ME1: variants seen among roughly 807,000 people sequenced by gnomAD.
ME1 encodes the protein NADP-dependent malic enzyme.
A neutral mutation model predicts 66.4 loss-of-function variants in ME1; 74 were observed. The ratio of observed to expected loss-of-function variants is 1.11; its 90% CI spans 0.92 to 1.35. The LOEUF is 1.35. ME1 is among the 40% of genes most tolerant of loss of function. ME1 has a pLI of 0.00. For missense variants in ME1, 750 were observed against 694.1 expected (o/e 1.08, Z -0.90); for synonymous variants, 251 against 235.6 (o/e 1.07, Z -0.60).
chr6:83,365,746 G>A (rs1320190723), intron 3 of ME1, among the ~76,000 whole-genome samples: 1 of 151,978 alleles, frequency 6.6e-6, no homozygotes, highest in Admixed American at 6.6e-5. Flanking sequence ...CAATAGATTA[G>A]TACACTTTCA....
chr6:83,417,161 T>G (rs960530818), intron 1 of ME1, among the ~76,000 whole-genome samples: 1 of 152,114 alleles, frequency 6.6e-6, no homozygotes, highest in African/African-American at 2.4e-5. Flanking sequence ...GCAATCCTCT[T>G]GCCTTAGCTT....
intron 6 of ME1, among the ~76,000 whole-genome samples, chr6:83,282,653 T>G (rs1217426408): frequency 6.6e-6 from 1 of 152,176 alleles, no homozygotes; most frequent in Non-Finnish European, 1.5e-5. Context: ...CACTTTATAC[T>G]GCTGGTGGGA....
intron 1 of ME1, among the ~76,000 whole-genome samples, chr6:83,417,380 T>C (rs1770182818): frequency 6.6e-6 from 1 of 151,090 alleles, no homozygotes; most frequent in Non-Finnish European, 1.5e-5. Flanking sequence ...TTTGTTGTTG[T>C]TGTTGTTGTT....
chr6:83,410,451 C>T (rs2128552353), intron 1 of ME1, among the ~76,000 whole-genome samples: 1 of 152,206 alleles, frequency 6.6e-6, no homozygotes, highest in African/African-American at 2.4e-5. Context: ...AGACAAACTT[C>T]ACTTGTTGAA....
intron 1 of ME1, among the ~76,000 whole-genome samples, chr6:83,430,155 T>C (rs942633128): frequency 1.3e-5 from 2 of 151,958 alleles, no homozygotes; most frequent in Non-Finnish European, 2.9e-5. Flanking sequence ...AAACAAAATT[T>C]TTTTTTAACT....
At chr6:83,299,055 T>C (rs974818878) in intron 6 of ME1, among the ~76,000 whole-genome samples, 5 of 151,158 alleles carry the variant, frequency 3.3e-5, no homozygotes, top group Non-Finnish European at 7.4e-5. Flanking sequence ...TTGTTCTTTT[T>C]GCTTAGTATT....
chr6:83,396,510 T>C (rs1027784517), intron 3 of ME1, among the ~76,000 whole-genome samples: 24 of 152,154 alleles, frequency 1.6e-4, no homozygotes, highest in African/African-American at 5.8e-4. Context: ...ATTTCATGGA[T>C]TGGAAGAATT....
At chr6:83,429,681 T>C (rs1770444157) in intron 1 of ME1, among the ~76,000 whole-genome samples, 1 of 149,410 alleles carries the variant, frequency 6.7e-6, no homozygotes, top group Admixed American at 7.0e-5. Context: ...TTGTAAAAGG[T>C]GCCTGTCACC....
chr6:83,267,956 T>C (rs1767016375), intron 6 of ME1, among the ~76,000 whole-genome samples: 2 of 152,206 alleles, frequency 1.3e-5, no homozygotes, highest in South Asian at 4.1e-4. Context: ...AATTCAAGTG[T>C]CACATTCTTC....
At chr6:83,239,951 G>A (rs1254563284) in intron 7 of ME1, among the ~76,000 whole-genome samples, 1 of 152,080 alleles carries the variant, frequency 6.6e-6, no homozygotes, top group East Asian at 1.9e-4. Context: ...CTGACTAGCT[G>A]AAAGAATTTA....
At chr6:83,283,340 A>AT (rs1348798593) in intron 6 of ME1, among the ~76,000 whole-genome samples, 1 of 151,598 alleles carries the variant, frequency 6.6e-6, no homozygotes, top group Non-Finnish European at 1.5e-5. Context: ...CAAACACTGC[A>AT]TTTTCTCACT....
chr6:83,362,400 G>A (rs1052549385), intron 3 of ME1, among the ~76,000 whole-genome samples: 7 of 152,200 alleles, frequency 4.6e-5, no homozygotes, highest in African/African-American at 1.7e-4. Context: ...TAATAATCAA[G>A]TGACAGGACA....
intron 1 of ME1, among the ~76,000 whole-genome samples, chr6:83,410,568 C>T (rs1248666873): frequency 1.3e-5 from 2 of 151,872 alleles, no homozygotes; most frequent in African/African-American, 4.8e-5. Flanking sequence ...GAAGAGAAAA[C>T]TCAATAGATT....
At chr6:83,417,223 T>A (rs1770178516) in intron 1 of ME1, among the ~76,000 whole-genome samples, 1 of 152,130 alleles carries the variant, frequency 6.6e-6, no homozygotes, top group South Asian at 2.1e-4. Context: ...AAAAAAAATT[T>A]TTTTTTGAGA....
chr6:83,366,015 A>G (rs1769095684), intron 3 of ME1, among the ~76,000 whole-genome samples: 1 of 152,150 alleles, frequency 6.6e-6, no homozygotes, highest in Non-Finnish European at 1.5e-5. Context: ...ACTCTAATGA[A>G]CAGTGACCGC....
chr6:83,238,412 C>A (rs1790452474), intron 8 of ME1, among the ~76,000 whole-genome samples: 1 of 152,104 alleles, frequency 6.6e-6, no homozygotes, highest in South Asian at 2.1e-4. Flanking sequence ...CAAACAAGTG[C>A]TAGTTTTGAA....
intron 5 of ME1, among the ~76,000 whole-genome samples, chr6:83,339,797 A>G (rs1768538876): frequency 9.5e-6 from 1 of 104,956 alleles, no homozygotes; most frequent in East Asian, 3.0e-4. Flanking sequence ...AGGAAGGGGA[A>G]TATCACACTC....
chr6:83,379,454 A>G (rs117226794), intron 3 of ME1, among the ~76,000 whole-genome samples: 2,606 of 152,198 alleles, frequency 0.017, 40 homozygotes, highest in Admixed American at 0.026. Context: ...TTAAGGTACT[A>G]AATATGATAT....
intron 7 of ME1, among the ~76,000 whole-genome samples, chr6:83,244,071 C>T (rs567991309): frequency 2.0e-5 from 3 of 151,416 alleles, no homozygotes; most frequent in East Asian, 3.9e-4. Context: ...TAGAAACAAG[C>T]TTAACTGGAA....
Sources: allele counts gnomAD v4.1 joint callset (sites outside exome capture counted in the v4.1 genomes callset), GRCh38; gene constraint gnomAD v4.1.1; transcripts MANE v1.5; gene names NCBI Gene and HGNC (gene_info 2026-07-23, HGNC 2026-07-21).